AMOTL1: variants seen among roughly 807,000 people sequenced by gnomAD.
AMOTL1 encodes the protein angiomotin-like protein 1.
A neutral mutation model predicts 102.9 loss-of-function variants in AMOTL1; 45 were observed. The ratio of observed to expected loss-of-function variants is 0.44; its 90% CI spans 0.34 to 0.56. AMOTL1 has a LOEUF of 0.56. AMOTL1 is among the 20% of genes least tolerant of loss of function. AMOTL1 has a pLI of 0.01. For synonymous variants in AMOTL1, 481 were observed against 484.7 expected (o/e 0.99, Z 0.10); for missense variants, 1,114 against 1,225.6 (o/e 0.91, Z 1.36).
intron 3 of AMOTL1, 118 bp from the exon 4 acceptor site, chr11:94,821,412 G>A (rs1951863328): frequency 1.9e-6 from 2 of 1,074,884 alleles, no homozygotes; most frequent in East Asian, 2.6e-5. Context: ...CTCCCACTGG[G>A]AAGTGCACTG....
At chr11:94,810,039 T>C (rs1951644769) in intron 3 of AMOTL1, among the ~76,000 whole-genome samples, 1 of 152,190 alleles carries the variant, frequency 6.6e-6, no homozygotes. Context: ...ACTTCCAATT[T>C]CTTGATAACC....
chr11:94,775,077 G>C (rs1345769893), intron 1 of AMOTL1, among the ~76,000 whole-genome samples: 1 of 152,150 alleles, frequency 6.6e-6, no homozygotes, highest in Admixed American at 6.5e-5. Flanking sequence ...TATCTTCTAA[G>C]GTTATTGTGT....
upstream of AMOTL1, among the ~76,000 whole-genome samples, chr11:94,766,176 T>C (rs1950852681): frequency 6.6e-6 from 1 of 152,206 alleles, no homozygotes; most frequent in Non-Finnish European, 1.5e-5. Context: ...TCTCCAAAGA[T>C]ATGGTATCTC....
intron 1 of AMOTL1, among the ~76,000 whole-genome samples, chr11:94,783,129 C>T (rs553277713): frequency 6.6e-6 from 1 of 152,286 alleles, no homozygotes; most frequent in South Asian, 2.1e-4. Flanking sequence ...GCCATAGACT[C>T]TAGAGCCAGG....
At chr11:94,738,138 G>A (rs890680411) in intron 2 of AMOTL1, among the ~76,000 whole-genome samples, 1 of 152,198 alleles carries the variant, frequency 6.6e-6, no homozygotes, top group Non-Finnish European at 1.5e-5. Context: ...TTCATCCATA[G>A]CAACAAGAGA....
At chr11:94,825,775 T>C (rs530259906) in intron 4 of AMOTL1, among the ~76,000 whole-genome samples, 31 of 152,362 alleles carry the variant, frequency 2.0e-4, no homozygotes, top group African/African-American at 7.2e-4. Flanking sequence ...GTGGTTTTAC[T>C]CTGAAGCAGT....
chr11:94,860,919 C>T (rs1030665807), intron 9 of AMOTL1, among the ~76,000 whole-genome samples: 2 of 152,128 alleles, frequency 1.3e-5, no homozygotes, highest in African/African-American at 4.8e-5. Context: ...GACTCTCAGG[C>T]TCATTATCGA....
intron 1 of AMOTL1, among the ~76,000 whole-genome samples, chr11:94,716,580 C>A (rs968844174): frequency 6.6e-6 from 1 of 152,086 alleles, no homozygotes; most frequent in Non-Finnish European, 1.5e-5. Context: ...TCTTGCAATG[C>A]TAATAGTCTA....
chr11:94,747,639 TAG>T (rs1950605341), intron 3 of AMOTL1, among the ~76,000 whole-genome samples: 1 of 152,228 alleles, frequency 6.6e-6, no homozygotes, highest in South Asian at 2.1e-4. Flanking sequence ...TTAGTCAGGA[TAG>T]GCTAAACCCC....
chr11:94,851,052 C>T (rs192908824), intron 7 of AMOTL1, among the ~76,000 whole-genome samples: 1 of 152,340 alleles, frequency 6.6e-6, no homozygotes, highest in East Asian at 1.9e-4. Flanking sequence ...AAACGAGGGT[C>T]TTGCCCATTG....
chr11:94,847,584 G>A (rs1343443088), intron 6 of AMOTL1, among the ~76,000 whole-genome samples: 1 of 152,096 alleles, frequency 6.6e-6, no homozygotes, highest in Non-Finnish European at 1.5e-5. Context: ...GATAGTTGAG[G>A]GAGCTGAGGC....
In AMOTL1 at chr11:94,859,662, G is replaced by T. The variant is rs1295608469; in HGVS notation, c.2082G>T (p.Glu694Asp). The T allele has an allele frequency of 1.2e-6, 2 of 1,612,938 alleles. No individual in the cohort carries two copies. Among genetic ancestry groups the T allele is most frequent in the Non-Finnish European group, 1.7e-6 (2 of 1,179,528 alleles). Residue 694 changes from glutamate (E) to aspartate (D), a missense_variant, in exon 9 of 13, where the codon GAG (glutamate) becomes GAT (aspartate). By Grantham distance (45) the Glu-to-Asp change is conservative. Transcript: ENST00000433060. ...AGTGGGAGCAGAAGTACCTGGAGGA[G>T]AGCACCATCCGACACTTTGCCATGA... Reference protein sequence around the residue: ...MTKWEQKYLEESTIRHFAMNA... With the variant: ...MTKWEQKYLEDSTIRHFAMNA...
At chr11:94,818,834 C>G (rs1278183810) in intron 3 of AMOTL1, among the ~76,000 whole-genome samples, 2 of 152,086 alleles carry the variant, frequency 1.3e-5, no homozygotes, top group African/African-American at 4.8e-5. Context: ...TGAAGCTGTG[C>G]TTTCTTAAAG....
chr11:94,728,835 C>G (rs1950301012), intron 1 of AMOTL1: 1 of 563,338 alleles, frequency 1.8e-6, no homozygotes, highest in Non-Finnish European at 2.7e-6. Context: ...TAGAAACTGA[C>G]CACTTTCCTT....
chr11:94,750,228 A>G (rs1455916820), intron 3 of AMOTL1, among the ~76,000 whole-genome samples: 1 of 152,188 alleles, frequency 6.6e-6, no homozygotes, highest in Non-Finnish European at 1.5e-5. Flanking sequence ...GCATGCACAG[A>G]GTCAGTTCTG....
At chr11:94,833,945 T>C (rs147021044) in intron 6 of AMOTL1, among the ~76,000 whole-genome samples, 3 of 152,178 alleles carry the variant, frequency 2.0e-5, no homozygotes, top group African/African-American at 7.2e-5. Flanking sequence ...GATTAGATAA[T>C]GACTTAAGGT....
intron 6 of AMOTL1, among the ~76,000 whole-genome samples, chr11:94,843,576 A>C (rs966507694): frequency 2.6e-5 from 4 of 152,314 alleles, no homozygotes; most frequent in Non-Finnish European, 5.9e-5. Flanking sequence ...TACCCTATAA[A>C]TTGTAGCTGT....
At chr11:94,814,775 A>G (rs1361429625) in intron 3 of AMOTL1, among the ~76,000 whole-genome samples, 1 of 152,246 alleles carries the variant, frequency 6.6e-6, no homozygotes, top group African/African-American at 2.4e-5. Flanking sequence ...TTGTGAAATC[A>G]GAGAGGAAGC....
intron 7 of AMOTL1, among the ~76,000 whole-genome samples, chr11:94,853,382 G>A (rs543015112): frequency 3.3e-5 from 5 of 151,662 alleles, no homozygotes; most frequent in East Asian, 1.9e-4. Context: ...TCCCACTTAC[G>A]AGTGAGAACA....
Sources: allele counts gnomAD v4.1 joint callset (sites outside exome capture counted in the v4.1 genomes callset), GRCh38; gene constraint gnomAD v4.1.1; transcripts MANE v1.5; gene names NCBI Gene and HGNC (gene_info 2026-07-23, HGNC 2026-07-21).